The following LGSN variants were observed in gnomAD, a reference collection of about 807,000 sequenced individuals.
The protein encoded by LGSN is lengsin, lens protein with glutamine synthetase domain, also known as lengsin.
Under a neutral mutation model 19.5 loss-of-function variants are expected in LGSN, and 21 were observed. The ratio of observed to expected loss-of-function variants is 1.07; its 90% confidence interval spans 0.76 to 1.55. LGSN has a LOEUF of 1.55. Ranked by LOEUF, LGSN falls within the 40% of genes most tolerant of loss-of-function variation. The probability of loss-of-function intolerance (pLI) is 0.00; values close to 1 mark genes in which losing one functional copy is unlikely to be tolerated. For missense variants in LGSN, 673 were observed against 608.5 expected, an observed-to-expected ratio of 1.11 and a Z score of -1.12; for synonymous variants, 257 against 215.6, an observed-to-expected ratio of 1.19 and a Z score of -1.68.
At chr6:63,444,020 C>T in the LGSN span, among the ~76,000 whole-genome samples, 2 of 151,950 alleles carry the variant, frequency 1.3e-5, no homozygotes, top group Non-Finnish European at 2.9e-5. Context: ...AAAAATGCCA[C>T]TGTCCTAACT....
At chr6:63,422,579 A>G in the LGSN span, among the ~76,000 whole-genome samples, 1 of 152,208 alleles carries the variant, frequency 6.6e-6, no homozygotes. Context: ...AGGAGTAAAC[A>G]ATTTGCATGA....
chr6:63,435,190 C>T, the LGSN span, among the ~76,000 whole-genome samples: 2 of 152,162 alleles, frequency 1.3e-5, no homozygotes, highest in Admixed American at 1.3e-4. Context: ...CAAAGGAACA[C>T]AGCCTGAGGC....
At chr6:63,456,799 A>C in the LGSN span, among the ~76,000 whole-genome samples, 1 of 152,126 alleles carries the variant, frequency 6.6e-6, no homozygotes, top group African/African-American at 2.4e-5. Context: ...AAAGCAGAGA[A>C]GGGAAGAAAG....
At chr6:63,555,376 T>C in the LGSN span, among the ~76,000 whole-genome samples, 4 of 152,204 alleles carry the variant, frequency 2.6e-5, no homozygotes, top group African/African-American at 9.6e-5. Context: ...TTAGATTAGA[T>C]CTAGACTAAT....
chr6:63,477,558 C>T, the LGSN span, among the ~76,000 whole-genome samples: 3 of 151,088 alleles, frequency 2.0e-5, no homozygotes, highest in African/African-American at 7.3e-5. Context: ...TTGAAATATG[C>T]CATGGGGGTC....
At chr6:63,474,326 G>A in the LGSN span, among the ~76,000 whole-genome samples, 4 of 152,116 alleles carry the variant, frequency 2.6e-5, no homozygotes, top group African/African-American at 7.2e-5. Context: ...GTGGGAAAAC[G>A]GGACGGGCGC....
the LGSN span, among the ~76,000 whole-genome samples, chr6:63,508,993 A>AT: frequency 6.6e-6 from 1 of 151,578 alleles, no homozygotes; most frequent in East Asian, 1.9e-4. Context: ...TGTTCACCTT[A>AT]TAATAATTAT....
the LGSN span, among the ~76,000 whole-genome samples, chr6:63,383,817 A>G: frequency 2.0e-5 from 3 of 152,248 alleles, no homozygotes; most frequent in Non-Finnish European, 4.4e-5. Flanking sequence ...AATAAAGATC[A>G]GAGAGGGTAA....
At chr6:63,473,135 T>G in the LGSN span, among the ~76,000 whole-genome samples, 5 of 151,782 alleles carry the variant, frequency 3.3e-5, no homozygotes, top group Non-Finnish European at 7.4e-5. Flanking sequence ...CATACTGTCC[T>G]GGACTCAATT....
the LGSN span, among the ~76,000 whole-genome samples, chr6:63,458,724 T>A: frequency 6.6e-6 from 1 of 152,214 alleles, no homozygotes. Flanking sequence ...AGAGAGAGAA[T>A]GTACTTTGGA....
At chr6:63,555,311 G>A in the LGSN span, among the ~76,000 whole-genome samples, 4 of 152,080 alleles carry the variant, frequency 2.6e-5, no homozygotes, top group Non-Finnish European at 4.4e-5. Context: ...AAGGAACTTC[G>A]GAGAGTTCCC....
the LGSN span, among the ~76,000 whole-genome samples, chr6:63,401,413 A>T: frequency 9.9e-5 from 15 of 152,184 alleles, no homozygotes; most frequent in Admixed American, 2.0e-4. Context: ...AAAAAAAAAA[A>T]AGTTACAAAA....
intron 1 of LGSN, among the ~76,000 whole-genome samples, chr6:63,309,144 C>T (rs1768523619): frequency 6.6e-6 from 1 of 152,046 alleles, no homozygotes; most frequent in African/African-American, 2.4e-5. Context: ...TAAAAATAAG[C>T]GCTTCTGGCC....
the LGSN span, among the ~76,000 whole-genome samples, chr6:63,389,940 A>G: frequency 7.0e-6 from 1 of 142,534 alleles, no homozygotes; most frequent in Non-Finnish European, 1.6e-5. Context: ...CATCCCCCAC[A>G]AAAAAAAATG....
intron 1 of LGSN, among the ~76,000 whole-genome samples, chr6:63,308,034 TTTCA>T (rs1283896983): frequency 2.0e-5 from 3 of 152,160 alleles, no homozygotes; most frequent in Non-Finnish European, 4.4e-5. Context: ...AGAGGGCGCA[TTTCA>T]GCTGAAGATA....
At chr6:63,424,268 C>T in the LGSN span, among the ~76,000 whole-genome samples, 1 of 151,916 alleles carries the variant, frequency 6.6e-6, no homozygotes, top group East Asian at 1.9e-4. Flanking sequence ...ACTACCAAAA[C>T]TCATCCAATA....
At chr6:63,354,212 G>A in the LGSN span, among the ~76,000 whole-genome samples, 3 of 152,080 alleles carry the variant, frequency 2.0e-5, no homozygotes, top group African/African-American at 4.8e-5. Flanking sequence ...AACACAGCCT[G>A]CTGAATGGGA....
the LGSN span, among the ~76,000 whole-genome samples, chr6:63,499,805 G>A: frequency 2.0e-5 from 3 of 151,980 alleles, no homozygotes; most frequent in Non-Finnish European, 4.4e-5. Context: ...AGAGTGCAAG[G>A]TTGTATTTGG....
chr6:63,516,480 A>T, the LGSN span, among the ~76,000 whole-genome samples: 5 of 152,316 alleles, frequency 3.3e-5, no homozygotes, highest in African/African-American at 1.2e-4. Flanking sequence ...CTGAAGTTTG[A>T]ATGATCTAGC....
Sources: gnomAD v4.1 joint callset for allele counts (sites outside exome capture counted in the v4.1 genomes callset) on GRCh38, gnomAD v4.1.1 for gene constraint, MANE v1.5 for transcripts, NCBI Gene and HGNC (gene_info 2026-07-23, HGNC 2026-07-21) for gene names.